Variants in SH3GL3 observed in about 807,000 individuals in gnomAD.
SH3GL3 encodes the protein SH3 domain containing GRB2 like 3, endophilin A3.
In SH3GL3, 33 loss-of-function variants were observed where a neutral mutation model predicts 47.7. The observed-to-expected ratio is 0.69, with a 90% confidence interval of 0.52 to 0.92. SH3GL3 has a LOEUF of 0.92. SH3GL3 is among the 40% of genes least tolerant of loss of function. SH3GL3 has a pLI of 0.00. For missense variants in SH3GL3, 363 were observed against 417.8 expected (o/e 0.87, Z 1.14); for synonymous variants, 155 against 148.8 (o/e 1.04, Z -0.30).
chr15:83,591,740 C>T (rs774277046), intron 8 of SH3GL3, among the ~76,000 whole-genome samples: 5 of 152,074 alleles, frequency 3.3e-5, no homozygotes, highest in Admixed American at 1.3e-4. Context: ...GGCTGGAGTG[C>T]AGTGGCGCCA....
chr15:83,583,287 C>A (rs1448634192), intron 6 of SH3GL3, among the ~76,000 whole-genome samples: 1 of 152,188 alleles, frequency 6.6e-6, no homozygotes, highest in East Asian at 1.9e-4. Context: ...TGCTTACTCA[C>A]CCGGCTGCTC....
intron 1 of SH3GL3, among the ~76,000 whole-genome samples, chr15:83,512,738 A>G (rs2042818602): frequency 1.3e-5 from 2 of 151,632 alleles, no homozygotes; most frequent in South Asian, 2.1e-4. Flanking sequence ...AAGACTCTCA[A>G]TGTAGTCAGC....
intron 1 of SH3GL3, among the ~76,000 whole-genome samples, chr15:83,551,088 C>T (rs2044644912): frequency 6.6e-6 from 1 of 152,180 alleles, no homozygotes; most frequent in African/African-American, 2.4e-5. Flanking sequence ...CACATCTAGA[C>T]AAAACACCAA....
At chr15:83,517,189 CTTTTTCTTTTCTTTTCT>C (rs1236212657) in intron 1 of SH3GL3, among the ~76,000 whole-genome samples, 18 of 143,278 alleles carry the variant, frequency 1.3e-4, no homozygotes, top group Non-Finnish European at 2.3e-4. Context: ...TCTTTCTTTT[CTTTTTCTTTTCTTTTCT>C]TTTTTTTTTT....
chr15:83,521,416 T>G (rs188843524), intron 1 of SH3GL3, among the ~76,000 whole-genome samples: 43 of 152,122 alleles, frequency 2.8e-4, no homozygotes, highest in African/African-American at 8.4e-4. Flanking sequence ...AAAATCTAGG[T>G]GCTCAGAGAA....
intron 8 of SH3GL3, 24 bp downstream of exon 8, chr15:83,588,795 T>C (rs1442383632): frequency 8.0e-7 from 1 of 1,242,716 alleles, no homozygotes; most frequent in East Asian, 2.3e-5. Context: ...TCTAATATGC[T>C]AAGTGTGCCT....
intron 1 of SH3GL3, among the ~76,000 whole-genome samples, chr15:83,487,736 C>T (rs995663988): frequency 3.3e-5 from 5 of 152,150 alleles, no homozygotes; most frequent in African/African-American, 1.2e-4. Flanking sequence ...AGGCCAGGGG[C>T]TGAGCTGGTG....
chr15:83,554,838 C>G (rs929957294), intron 1 of SH3GL3, among the ~76,000 whole-genome samples: 8 of 152,106 alleles, frequency 5.3e-5, no homozygotes, highest in Non-Finnish European at 5.9e-5. Context: ...TGAGGTTTTG[C>G]TGCGTCTGGG....
intron 1 of SH3GL3, among the ~76,000 whole-genome samples, chr15:83,528,246 G>T (rs1399570328): frequency 6.6e-6 from 1 of 152,078 alleles, no homozygotes; most frequent in Non-Finnish European, 1.5e-5. Context: ...GTCTATCTTT[G>T]GCTTTTGACA....
chr15:83,623,948 G>C, the SH3GL3 span, among the ~76,000 whole-genome samples: 1 of 152,222 alleles, frequency 6.6e-6, no homozygotes, highest in Non-Finnish European at 1.5e-5. Context: ...ACCACACCCA[G>C]CTAATTTTTT....
chr15:83,614,943 A>G (rs953520008), intron 8 of SH3GL3, among the ~76,000 whole-genome samples: 10 of 152,224 alleles, frequency 6.6e-5, no homozygotes, highest in Non-Finnish European at 1.2e-4. Flanking sequence ...CAACGTACCT[A>G]TTCTCTTTAC....
rs561131740 is a variant in SH3GL3, at chr15:83,516,043, A to G, written c.46-43210A>G. On this transcript the variant is annotated intron_variant, in intron 1 of 8. Transcript: ENST00000427482. ...AATAAAAAACAGACCAAGATAAATC[A>G]TAGTATTTAGTGATGTACACTTAGG... Among the ~76,000 whole-genome samples, 633 of 151,772 alleles carry G rather than the reference A, an allele frequency of 4.2e-3. 3 individuals carry two copies. The highest frequency in any genetic ancestry group is 6.5e-3 in the Non-Finnish European group (442 of 67,940).
rs1381074084 is a variant in SH3GL3 at position 83,618,304 on chromosome 15, CTG to C, written c.*18_*19del. 6.7e-6 allele frequency: 10 copies of C among 1,486,292 alleles called. No homozygotes were observed. Among genetic ancestry groups the C allele is most frequent in the Non-Finnish European group, 3.8e-6 (4 of 1,063,696 alleles). The allele number at this position is 1,486,292 out of a possible 1,614,324, so 92.1% of individuals were successfully genotyped here. A position where few individuals can be genotyped will look rare whatever the true frequency, so the allele number is the denominator to read the frequency against. Reference sequence around the variant, plus strand: ...CCTCAGTAAATGTGTAACACAAACTCTGGACATACTTTCGTAACTGAAATGAA... The same window carrying C: ...CCTCAGTAAATGTGTAACACAAACTCGACATACTTTCGTAACTGAAATGAA... On this transcript the variant is annotated 3_prime_UTR_variant, in exon 9 of 9. Transcript: ENST00000427482.
intron 1 of SH3GL3, among the ~76,000 whole-genome samples, chr15:83,473,301 G>T (rs2151536628): frequency 6.6e-6 from 1 of 152,260 alleles, no homozygotes; most frequent in South Asian, 2.1e-4. Flanking sequence ...CAGGGGTGAG[G>T]AGGGGAGAGG....
At chr15:83,593,847 C>G (rs1337949755) in intron 8 of SH3GL3, among the ~76,000 whole-genome samples, 1 of 151,508 alleles carries the variant, frequency 6.6e-6, no homozygotes, top group Non-Finnish European at 1.5e-5. Flanking sequence ...GAGACAGGGT[C>G]TTGCCCTGTT....
At chr15:83,483,769 C>T (rs1178808704) in intron 1 of SH3GL3, among the ~76,000 whole-genome samples, 1 of 152,214 alleles carries the variant, frequency 6.6e-6, no homozygotes, top group Non-Finnish European at 1.5e-5. Context: ...TTCCCATCCC[C>T]ATGGCCCTTT....
At chr15:83,487,899 C>T (rs536181272) in intron 1 of SH3GL3, among the ~76,000 whole-genome samples, 111 of 140,030 alleles carry the variant, frequency 7.9e-4, no homozygotes, top group African/African-American at 2.3e-3. Flanking sequence ...TTTCCTGAGA[C>T]GGAGTCTTGC....
chr15:83,456,761 C>G (rs1272507750), intron 1 of SH3GL3, among the ~76,000 whole-genome samples: 1 of 151,084 alleles, frequency 6.6e-6, no homozygotes, highest in Non-Finnish European at 1.5e-5. Context: ...GCAGAAATCA[C>G]CCGTCTTCTG....
At chr15:83,496,967 C>T (rs1283600289) in intron 1 of SH3GL3, among the ~76,000 whole-genome samples, 1 of 152,102 alleles carries the variant, frequency 6.6e-6, no homozygotes, top group Admixed American at 6.5e-5. Flanking sequence ...CAGGGCAGCT[C>T]CCTTTCTCAC....
Sources: allele counts gnomAD v4.1 joint callset (sites outside exome capture counted in the v4.1 genomes callset), GRCh38; gene constraint gnomAD v4.1.1; transcripts MANE v1.5; gene names NCBI Gene and HGNC (gene_info 2026-07-23, HGNC 2026-07-21).